NEK11: variants seen among roughly 807,000 people sequenced by gnomAD.
NEK11 encodes serine/threonine-protein kinase Nek11.
A neutral mutation model predicts 80.7 loss-of-function variants in NEK11; 72 were observed. The ratio of observed to expected loss-of-function variants is 0.89; its 90% CI spans 0.74 to 1.08. NEK11 has a LOEUF of 1.08. Among genes scored for constraint, NEK11 ranks in the 50% least tolerant of loss-of-function variants. The pLI is 0.00. For synonymous variants in NEK11, 251 were observed against 260.7 expected (o/e 0.96, Z 0.36); for missense variants, 764 against 763.6 (o/e 1.00, Z -0.01).
chr3:131,328,219 G>C (rs1358934712), intron 17 of NEK11, among the ~76,000 whole-genome samples: 1 of 152,034 alleles, frequency 6.6e-6, no homozygotes, highest in Non-Finnish European at 1.5e-5. Context: ...AAGCCTGGGA[G>C]GTCGAGGTTG....
intron 3 of NEK11, among the ~76,000 whole-genome samples, chr3:131,048,703 T>C (rs1299025564): frequency 6.6e-6 from 1 of 152,192 alleles, no homozygotes; most frequent in Non-Finnish European, 1.5e-5. Context: ...CTCGCTTTCC[T>C]GGTATGTTCC....
rs537964547 is a variant in NEK11, at chr3:131,295,120, C to G, written c.1718+21546C>G. On this transcript the variant is annotated intron_variant, in intron 17 of 17. Coordinates refer to ENST00000383366, the MANE Select transcript of NEK11 (RefSeq NM_024800.5). ...AGTTGGATTAATATCTACCCTATTT[C>G]TTACTGTTTTCTATTTGTTGTCTCT... 3.3e-5 allele frequency among the ~76,000 whole-genome samples: 5 copies of G among 152,162 alleles called. No individual in the cohort carries two copies. In the East Asian group the frequency reaches 7.7e-4, roughly 23 times the overall value.
chr3:131,285,293 G>C (rs1399068244), intron 17 of NEK11, among the ~76,000 whole-genome samples: 1 of 151,014 alleles, frequency 6.6e-6, no homozygotes, highest in East Asian at 1.9e-4. Context: ...AGTGGGTAGA[G>C]AGAGAAGGTG....
At position 131,162,456 on chromosome 3, in the gene NEK11, G is replaced by C. The variant is rs990941592; in HGVS notation, c.1011G>C (p.Gln337His). Reference protein sequence around the residue: ...LQTLRALSEVQKMTPRERMRL... With the variant: ...LQTLRALSEVHKMTPRERMRL... ...CTCTGAGGGCACTGTCAGAAGTACAGAAAATGACGCCAAGAGAAAGGATGC... is the reference window on the plus strand; with the variant it reads ...CTCTGAGGGCACTGTCAGAAGTACACAAAATGACGCCAAGAGAAAGGATGC... Residue 337 changes from glutamine to histidine, a missense_variant, in exon 11 of 18, where the codon CAG becomes CAC. Coordinates refer to ENST00000383366, the MANE Select transcript of NEK11 (RefSeq NM_024800.5). 5.6e-6 allele frequency: 9 copies of C among 1,614,126 alleles called. No individual in the cohort carries two copies. Among genetic ancestry groups the C allele is most frequent in the South Asian group, 1.1e-5 (1 of 91,080 alleles).
chr3:131,176,187 C>G (rs2093004654), intron 14 of NEK11, among the ~76,000 whole-genome samples: 1 of 152,188 alleles, frequency 6.6e-6, no homozygotes, highest in African/African-American at 2.4e-5. Flanking sequence ...ACTAAGGCCA[C>G]TGGAGCATAA....
intron 10 of NEK11, among the ~76,000 whole-genome samples, chr3:131,156,545 T>G (rs2090673168): frequency 6.6e-6 from 1 of 152,210 alleles, no homozygotes; most frequent in African/African-American, 2.4e-5. Context: ...GCCCCTTCCC[T>G]CATGCTAAAT....
intron 4 of NEK11, among the ~76,000 whole-genome samples, chr3:131,105,064 T>G (rs2078983529): frequency 6.6e-6 from 1 of 152,246 alleles, no homozygotes; most frequent in South Asian, 2.1e-4. Flanking sequence ...ATCTAGTGTT[T>G]ACTTGCAGCT....
chr3:131,180,335 G>A (rs1298373971), intron 14 of NEK11, among the ~76,000 whole-genome samples: 2 of 151,938 alleles, frequency 1.3e-5, no homozygotes, highest in Admixed American at 1.3e-4. Context: ...CTGAAATTAG[G>A]GTAATGAACA....
intron 3 of NEK11, among the ~76,000 whole-genome samples, chr3:131,071,317 A>G (rs1257850879): frequency 6.6e-6 from 1 of 152,156 alleles, no homozygotes; most frequent in Admixed American, 6.5e-5. Context: ...TACTGTTTGT[A>G]AAGTGTATTT....
At chr3:131,258,838 T>G (rs1164213642) in intron 16 of NEK11, among the ~76,000 whole-genome samples, 4 of 152,228 alleles carry the variant, frequency 2.6e-5, no homozygotes, top group Non-Finnish European at 4.4e-5. Flanking sequence ...TTTTCCCAAG[T>G]TGATCCACTT....
chr3:131,195,399 T>G (rs2093961893), intron 14 of NEK11, among the ~76,000 whole-genome samples: 1 of 151,612 alleles, frequency 6.6e-6, no homozygotes, highest in Non-Finnish European at 1.5e-5. Context: ...TCCAGCCATA[T>G]TGTTCTCTGG....
intron 16 of NEK11, among the ~76,000 whole-genome samples, chr3:131,266,629 T>A (rs1229446403): frequency 6.6e-6 from 1 of 152,216 alleles, no homozygotes; most frequent in African/African-American, 2.4e-5. Context: ...CTTCCAATTA[T>A]GTGGTCAATT....
rs114255866 is a variant in NEK11 at position 131,238,016 on chromosome 3, A to G, written c.1561-5420A>G. Among the ~76,000 whole-genome samples the G allele has an allele frequency of 6.1e-3, 925 of 152,244 alleles. 11 individuals are homozygous for G. The highest frequency in any genetic ancestry group is 0.02 in the African/African-American group (850 of 41,562). The stretch of plus-strand genomic sequence containing the variant: ...TCACCTCACTAAGCCCCTCTCTTCC[A>G]TCAACATGAGAATTGTCCTCACTCA... On this transcript the variant is annotated intron_variant, in intron 15 of 17. Coordinates refer to ENST00000383366, the MANE Select transcript of NEK11 (RefSeq NM_024800.5).
chr3:131,108,101 C>A (rs949983225), intron 4 of NEK11, among the ~76,000 whole-genome samples: 2 of 152,086 alleles, frequency 1.3e-5, no homozygotes, highest in African/African-American at 4.8e-5. Flanking sequence ...TATCAGGAAA[C>A]CGTACTTGAG....
intron 17 of NEK11, among the ~76,000 whole-genome samples, chr3:131,289,925 A>G (rs994045044): frequency 6.6e-6 from 1 of 152,218 alleles, no homozygotes; most frequent in African/African-American, 2.4e-5. Flanking sequence ...TGTCATCCAA[A>G]GATGGAGACA....
At chr3:131,309,609 A>T (rs1416075067) in intron 17 of NEK11, among the ~76,000 whole-genome samples, 1 of 149,188 alleles carries the variant, frequency 6.7e-6, no homozygotes, top group Non-Finnish European at 1.5e-5. Flanking sequence ...AATGCTTTCT[A>T]TTTTTTTTTT....
At chr3:131,236,548 C>G (rs967719073) in intron 15 of NEK11, among the ~76,000 whole-genome samples, 65 of 152,138 alleles carry the variant, frequency 4.3e-4, no homozygotes, top group African/African-American at 1.5e-3. Flanking sequence ...TTTAATAATG[C>G]AGAGTAAACA....
chr3:131,283,919 G>A (rs985709434), intron 17 of NEK11, among the ~76,000 whole-genome samples: 2 of 152,200 alleles, frequency 1.3e-5, no homozygotes, highest in African/African-American at 4.8e-5. Context: ...TAAAGAGCCT[G>A]TCAGACCTCT....
intron 14 of NEK11, among the ~76,000 whole-genome samples, chr3:131,203,395 C>A: frequency 7.2e-6 from 1 of 138,140 alleles, no homozygotes; most frequent in African/African-American, 2.8e-5. Flanking sequence ...CACATGGACA[C>A]AGGAAGGGGA....
Sources: gnomAD v4.1 joint callset for allele counts (sites outside exome capture counted in the v4.1 genomes callset) on GRCh38, gnomAD v4.1.1 for gene constraint, MANE v1.5 for transcripts, NCBI Gene and HGNC (gene_info 2026-07-23, HGNC 2026-07-21) for gene names.